The following PDGFC variants were observed in gnomAD, a reference collection of about 807,000 sequenced individuals.
The protein encoded by PDGFC is platelet-derived growth factor C.
PDGFC carries 12 observed loss-of-function variants against 35.5 expected under a neutral mutation model. The observed-to-expected ratio is 0.34, with a 90% confidence interval of 0.22 to 0.55. The LOEUF is 0.55. Among genes scored for constraint, PDGFC ranks in the 20% least tolerant of loss-of-function variants. The pLI is 0.91. For synonymous variants in PDGFC, 159 were observed against 148.8 expected (o/e 1.07, Z -0.50); for missense variants, 322 against 412.4 (o/e 0.78, Z 1.90).
chr4:156,914,671 A>G (rs1010219798), intron 1 of PDGFC, among the ~76,000 whole-genome samples: 5 of 152,206 alleles, frequency 3.3e-5, no homozygotes, highest in African/African-American at 1.2e-4. Context: ...AACGTGGTTA[A>G]GTAAAGCAAG....
intron 3 of PDGFC, among the ~76,000 whole-genome samples, chr4:156,797,243 A>G (rs1731469249): frequency 6.6e-6 from 1 of 151,990 alleles, no homozygotes; most frequent in African/African-American, 2.4e-5. Context: ...GTCTAAAAAA[A>G]AAAAAGAAAA....
intron 3 of PDGFC, among the ~76,000 whole-genome samples, chr4:156,784,274 C>A (rs997102744): frequency 8.5e-5 from 13 of 152,162 alleles, no homozygotes; most frequent in African/African-American, 3.1e-4. Context: ...ACTGGATCAA[C>A]CAGCACTGGT....
chr4:156,948,820 C>G (rs1732009337), intron 1 of PDGFC, among the ~76,000 whole-genome samples: 1 of 151,796 alleles, frequency 6.6e-6, no homozygotes, highest in Admixed American at 6.6e-5. Context: ...TTATTCTCAC[C>G]CTGCTTTTTC....
At chr4:156,959,258 C>G (rs1013358306) in intron 1 of PDGFC, among the ~76,000 whole-genome samples, 15 of 151,928 alleles carry the variant, frequency 9.9e-5, no homozygotes, top group African/African-American at 3.6e-4. Context: ...TAAACGAAAA[C>G]AAACAAATAA....
At chr4:156,906,023 T>C (rs531459905) in intron 1 of PDGFC, among the ~76,000 whole-genome samples, 40 of 152,306 alleles carry the variant, frequency 2.6e-4, no homozygotes, top group African/African-American at 9.4e-4. Flanking sequence ...TGTGTAAGTA[T>C]ACACAGAGAT....
chr4:156,767,731 T>G, intron 5 of PDGFC, 42 bp downstream of exon 5: 2 of 1,274,268 alleles, frequency 1.6e-6, no homozygotes, highest in South Asian at 2.4e-5. Flanking sequence ...TTCTAAGACA[T>G]AAAATACCCG....
At chr4:156,863,733 C>T (rs1000016347) in intron 1 of PDGFC, among the ~76,000 whole-genome samples, 1 of 151,998 alleles carries the variant, frequency 6.6e-6, no homozygotes, top group African/African-American at 2.4e-5. Context: ...AAATACCGTT[C>T]CCGAATTTGA....
At chr4:156,924,131 T>G (rs1353975959) in intron 1 of PDGFC, among the ~76,000 whole-genome samples, 2 of 152,220 alleles carry the variant, frequency 1.3e-5, no homozygotes, top group African/African-American at 4.8e-5. Context: ...CTCAATATGT[T>G]GGCCAAACGA....
At chr4:156,782,732 T>C (rs375546269) in intron 3 of PDGFC, among the ~76,000 whole-genome samples, 3 of 152,124 alleles carry the variant, frequency 2.0e-5, no homozygotes, top group East Asian at 3.9e-4. Flanking sequence ...ACAGAGAACA[T>C]AGAATATTTT....
chr4:156,790,368 CT>C (rs1401443811), intron 3 of PDGFC, among the ~76,000 whole-genome samples: 3 of 152,006 alleles, frequency 2.0e-5, no homozygotes, highest in Admixed American at 1.3e-4. Context: ...CAGGAAAGAA[CT>C]TTCTGAAAAC....
At position 156,833,108 on chromosome 4, in the gene PDGFC, G is replaced by T. The variant is rs188286292; in HGVS notation, c.314+17113C>A. ...AACTTTTGAAGTTTCTTGGCAGTGG[G>T]CCTGCTGATGGCCTCCACAAGGCTG... On this transcript the variant is annotated intron_variant, in intron 2 of 5. Transcript: ENST00000502773. Among the ~76,000 whole-genome samples the T allele has an allele frequency of 3.0e-3, 464 of 152,280 alleles. 4 individuals are homozygous for T. Among genetic ancestry groups the T allele is most frequent in the Non-Finnish European group, 4.3e-3 (292 of 68,010 alleles).
In PDGFC at chr4:156,856,756, C is replaced by T. The variant is rs193052567; in HGVS notation, c.119-6340G>A. Among the ~76,000 whole-genome samples the T allele has an allele frequency of 3.4e-3, 520 of 152,148 alleles. 1 individual carries two copies. Among genetic ancestry groups the T allele is most frequent in the African/African-American group, 0.011 (469 of 41,516 alleles). ...CATCCTTCACTCCTGAACTTCCAGACGCTGTATATGATAAAGATAATATGA... is the reference window on the plus strand; with the variant it reads ...CATCCTTCACTCCTGAACTTCCAGATGCTGTATATGATAAAGATAATATGA... On this transcript the variant is annotated intron_variant, in intron 1 of 5. Coordinates refer to ENST00000502773, the MANE Select transcript of PDGFC (RefSeq NM_016205.3).
intron 3 of PDGFC, among the ~76,000 whole-genome samples, chr4:156,778,574 A>ACAAGTG (rs921159260): frequency 6.6e-6 from 1 of 152,148 alleles, no homozygotes; most frequent in African/African-American, 2.4e-5. Flanking sequence ...GCACTTGTTA[A>ACAAGTG]CATCTTTCCC....
intron 1 of PDGFC, among the ~76,000 whole-genome samples, chr4:156,851,967 G>A (rs944427145): frequency 3.0e-5 from 4 of 134,722 alleles, no homozygotes; most frequent in African/African-American, 8.6e-5. Flanking sequence ...ATCCGTGTAA[G>A]GATGCTAACT....
intron 2 of PDGFC, among the ~76,000 whole-genome samples, chr4:156,846,826 A>G (rs937588701): frequency 4.0e-5 from 6 of 151,714 alleles, no homozygotes; most frequent in African/African-American, 7.2e-5. Flanking sequence ...TCTTAGCAAA[A>G]TAAAAACGAA....
chr4:156,898,343 C>T (rs1020386403), intron 1 of PDGFC, among the ~76,000 whole-genome samples: 9 of 152,036 alleles, frequency 5.9e-5, no homozygotes, highest in South Asian at 2.1e-4. Flanking sequence ...TGTTATAGCA[C>T]CTCGAACAGA....
chr4:156,774,652 C>CTTTTT (rs869200131), intron 3 of PDGFC, among the ~76,000 whole-genome samples: 1 of 133,670 alleles, frequency 7.5e-6, no homozygotes, highest in Admixed American at 7.6e-5. Context: ...TGATTTCATC[C>CTTTTT]TTTTTTTTTT....
chr4:156,808,025 T>C (rs920527282), intron 3 of PDGFC, among the ~76,000 whole-genome samples: 1 of 152,076 alleles, frequency 6.6e-6, no homozygotes, highest in African/African-American at 2.4e-5. Flanking sequence ...ATTATTTAGC[T>C]AATGCAAGAA....
chr4:156,905,622 C>A (rs1416574817), intron 1 of PDGFC, among the ~76,000 whole-genome samples: 2 of 152,062 alleles, frequency 1.3e-5, no homozygotes, highest in African/African-American at 4.8e-5. Flanking sequence ...TCAAGCAGTT[C>A]AACCTGGAGT....
Sources: allele counts gnomAD v4.1 joint callset (sites outside exome capture counted in the v4.1 genomes callset), GRCh38; gene constraint gnomAD v4.1.1; transcripts MANE v1.5; gene names NCBI Gene and HGNC (gene_info 2026-07-23, HGNC 2026-07-21).